Variants in CFAP44 observed in about 807,000 individuals in gnomAD.
The protein encoded by CFAP44 is cilia and flagella associated protein 44, also known as cilia- and flagella-associated protein 44.
Under a neutral mutation model 216.2 loss-of-function variants are expected in CFAP44, and 134 were observed. The ratio of observed to expected loss-of-function variants is 0.62; its 90% confidence interval spans 0.54 to 0.72. The LOEUF is 0.72. Among genes scored for constraint, CFAP44 ranks in the 30% least tolerant of loss-of-function variants. The pLI is 0.00. For missense variants in CFAP44, 2,035 were observed against 2,182.1 expected (o/e 0.93, Z 1.34); for synonymous variants, 700 against 727.6 (o/e 0.96, Z 0.61).
intron 22 of CFAP44, among the ~76,000 whole-genome samples, chr3:113,350,268 G>A (rs1234084667): frequency 1.3e-5 from 2 of 151,540 alleles, no homozygotes; most frequent in African/African-American, 4.9e-5. Flanking sequence ...AAGAGAGGAA[G>A]AGACAGACAA....
chr3:113,304,355 T>A, intron 31 of CFAP44: 1 of 509,124 alleles, frequency 2.0e-6, no homozygotes, highest in Non-Finnish European at 3.5e-6. Flanking sequence ...TCATGCCTAT[T>A]ATCTACTGCA....
chr3:113,306,100 C>T (rs1949983033), intron 30 of CFAP44, 101 bp downstream of exon 30: 2 of 1,346,994 alleles, frequency 1.5e-6, no homozygotes, highest in Non-Finnish European at 1.9e-6. Flanking sequence ...TGTTTCTTTT[C>T]TGAGAAGTCC....
intron 30 of CFAP44, among the ~76,000 whole-genome samples, 175 bp downstream of exon 30, chr3:113,306,026 A>T (rs1231770277): frequency 6.6e-6 from 1 of 152,136 alleles, no homozygotes; most frequent in African/African-American, 2.4e-5. Context: ...AAGTCCAATG[A>T]TCAAAAAAGC....
At chr3:113,437,490 T>C (rs1935264230) in intron 1 of CFAP44, among the ~76,000 whole-genome samples, 1 of 152,222 alleles carries the variant, frequency 6.6e-6, no homozygotes, top group East Asian at 1.9e-4. Flanking sequence ...CTGTGCTATC[T>C]TAAACAATAT....
chr3:113,303,897 T>C lies in CFAP44; in HGVS notation c.5077+19A>G, dbSNP rs1362943030. ...TACCAATAAACCTTACTAGCAAGGC[T>C]GTGGGCTTAGATACTCACTGTGTAT... On this transcript the variant is annotated intron_variant, in intron 32 of 34. Coordinates refer to ENST00000393845, the MANE Select transcript of CFAP44 (RefSeq NM_001164496.2). The C allele has an allele frequency of 2.2e-5, 34 of 1,537,004 alleles. No individual in the cohort carries two copies. Among genetic ancestry groups the C allele is most frequent in the Non-Finnish European group, 2.8e-5 (32 of 1,146,658 alleles).
intron 18 of CFAP44, among the ~76,000 whole-genome samples, chr3:113,371,818 A>C (rs1576576195): frequency 6.6e-6 from 1 of 152,226 alleles, no homozygotes; most frequent in East Asian, 1.9e-4. Flanking sequence ...AAATTTTTGC[A>C]ATCTACCCAT....
At chr3:113,381,425 C>A (rs1315473046) in intron 15 of CFAP44, among the ~76,000 whole-genome samples, 1 of 152,100 alleles carries the variant, frequency 6.6e-6, no homozygotes, top group African/African-American at 2.4e-5. Context: ...ATTAGGACTG[C>A]CAAGGAAACT....
Position 113,433,600 on chromosome 3 carries a change from T to C in CFAP44, c.65A>G (p.Lys22Arg), listed in dbSNP as rs1935164091. The change falls in exon 2 of 35, where the codon AAG becomes AGG. Residue 22 changes from lysine to arginine, a missense_variant. By Grantham distance (26) the Lys-to-Arg change is conservative. Around this residue, in one of 3 missense-constraint regions of CFAP44, gnomAD observed 149 missense variants for 141.8 expected, o/e 1.05. Transcript: ENST00000393845. ...EKSVTSKSDG[K>R]KSLRSSKSES... ...TGATTTAGAAGACCTCAGAGACTTC[T>C]TCCCATCACTCTTTGATGTAACTGA... The C allele has an allele frequency of 6.2e-7, 1 of 1,613,204 alleles. No homozygotes were observed. Among genetic ancestry groups the C allele is most frequent in the African/African-American group, 1.3e-5 (1 of 74,922 alleles).
chr3:113,349,684 C>T, intron 22 of CFAP44, among the ~76,000 whole-genome samples: 1 of 152,206 alleles, frequency 6.6e-6, no homozygotes. Flanking sequence ...AACAGATGAT[C>T]CAACAACAGT....
At position 113,389,128 on chromosome 3, in the gene CFAP44, C is replaced by T. The variant is rs567577314; in HGVS notation, c.1890+6622G>A. Among the ~76,000 whole-genome samples the T allele has an allele frequency of 3.9e-5, 6 of 152,224 alleles. No homozygotes were observed. In the South Asian group the frequency reaches 1.2e-3, roughly 32 times the overall value. Reference sequence around the variant, plus strand: ...TAAGAACAGACCATATGTTAGTCCACAAAACAAGTCTTAAAACATTCCAAA... The same window carrying T: ...TAAGAACAGACCATATGTTAGTCCATAAAACAAGTCTTAAAACATTCCAAA... On this transcript the variant is annotated intron_variant, in intron 15 of 34. Transcript: ENST00000393845.
chr3:113,317,340 G>A lies in CFAP44; in HGVS notation c.4517-9072C>T, dbSNP rs534308366. ...AGACACTCATCCCCCAGAGTTCCTC[G>A]TCCCTCTCTGGGAGGCATGGGCTCC... On this transcript the variant is annotated intron_variant, in intron 28 of 34. Coordinates refer to ENST00000393845, the MANE Select transcript of CFAP44 (RefSeq NM_001164496.2). Among the ~76,000 whole-genome samples the A allele has an allele frequency of 6.8e-4, 103 of 152,294 alleles. 1 individual carries two copies. Among genetic ancestry groups the A allele is most frequent in the African/African-American group, 2.4e-3 (99 of 41,558 alleles).
intron 15 of CFAP44, among the ~76,000 whole-genome samples, chr3:113,392,288 A>G (rs557144694): frequency 1.1e-4 from 16 of 152,302 alleles, no homozygotes; most frequent in African/African-American, 3.4e-4. Context: ...TAAGTGAAAA[A>G]AGCCAGGTAC....
intron 9 of CFAP44, among the ~76,000 whole-genome samples, chr3:113,402,068 G>A (rs892729912): frequency 2.0e-5 from 3 of 152,132 alleles, no homozygotes; most frequent in African/African-American, 7.2e-5. Context: ...GGCCATAGGA[G>A]TATATGGTTC....
chr3:113,391,007 A>G (rs1241570881), intron 15 of CFAP44, among the ~76,000 whole-genome samples: 1 of 152,148 alleles, frequency 6.6e-6, no homozygotes, highest in African/African-American at 2.4e-5. Context: ...AAATTTATAC[A>G]GAATCACAAA....
intron 7 of CFAP44, among the ~76,000 whole-genome samples, chr3:113,407,243 C>T (rs11927730): frequency 1.6e-4 from 24 of 152,238 alleles, no homozygotes; most frequent in Non-Finnish European, 2.5e-4. Flanking sequence ...TCAAAACAGG[C>T]GAAAAATAAA....
intron 4 of CFAP44, among the ~76,000 whole-genome samples, chr3:113,420,414 C>A (rs1934782557): frequency 6.6e-6 from 1 of 152,046 alleles, no homozygotes; most frequent in Admixed American, 6.5e-5. Flanking sequence ...ATAAATAAAT[C>A]AGGTGACTAT....
intron 24 of CFAP44, among the ~76,000 whole-genome samples, chr3:113,338,528 C>T (rs931451107): frequency 1.4e-4 from 22 of 151,764 alleles, no homozygotes; most frequent in East Asian, 1.9e-4. Flanking sequence ...GTGCTTGTCA[C>T]GTGAAACTAC....
At chr3:113,380,544 C>T (rs1933479602) in intron 16 of CFAP44, among the ~76,000 whole-genome samples, 1 of 152,152 alleles carries the variant, frequency 6.6e-6, no homozygotes, top group Admixed American at 6.5e-5. Flanking sequence ...GATCCTCCCA[C>T]CTCAGCCTCC....
intron 21 of CFAP44, chr3:113,361,216 G>T: frequency 4.8e-6 from 1 of 206,224 alleles, no homozygotes. Flanking sequence ...TCACTGGATT[G>T]AGAGAGATAA....
Sources: allele counts gnomAD v4.1 joint callset (sites outside exome capture counted in the v4.1 genomes callset), GRCh38; gene constraint gnomAD v4.1.1; regional missense constraint gnomAD v4.1.1; transcripts MANE v1.5; gene names NCBI Gene and HGNC (gene_info 2026-07-23, HGNC 2026-07-21).